The following CCNL2 variants were observed in gnomAD, a reference collection of about 807,000 sequenced individuals.
CCNL2 encodes the protein cyclin-L2.
A neutral mutation model predicts 59.1 loss-of-function variants in CCNL2; 28 were observed. That is an observed-to-expected ratio of 0.47 (90% CI 0.35 to 0.65). CCNL2 has a LOEUF of 0.65. CCNL2 is among the 30% of genes least tolerant of loss of function. CCNL2 has a pLI of 0.00. For missense variants in CCNL2, 714 were observed against 717.4 expected (o/e 1.00, Z 0.05); for synonymous variants, 342 against 288.6 (o/e 1.19, Z -1.88).
Position 1,393,303 on chromosome 1 carries a change from C to T in CCNL2, c.659+93G>A. ...GGACAACTCCAGCCCACAACCAAGT[C>T]ACTGGGCTGCCTACCCACTGCCCAA... On this transcript the variant is annotated intron_variant, in intron 5 of 10. Coordinates refer to ENST00000400809, the MANE Select transcript of CCNL2 (RefSeq NM_030937.6). The T allele has an allele frequency of 8.0e-6, 8 of 1,003,874 alleles. No individual in the cohort carries two copies. The South Asian group carries it at 1.1e-4, about 13-fold the overall frequency. 62.2% of individuals were successfully genotyped at this position (1,003,874 alleles called of 1,614,324 possible).
At chr1:1,388,575 CT>C in intron 8 of CCNL2, 1 of 435,194 alleles carries the variant, frequency 2.3e-6, no homozygotes, top group Non-Finnish European at 4.6e-6. Context: ...GTCTCTCTCT[CT>C]CTCTCTCTAT....
At position 1,396,264 on chromosome 1, in the gene CCNL2, G is replaced by A. The variant is rs562382226; in HGVS notation, c.474-750C>T. Among the ~76,000 whole-genome samples the A allele has an allele frequency of 2.0e-5, 3 of 151,506 alleles. No individual in the cohort carries two copies. In the East Asian group the frequency reaches 5.9e-4, roughly 30 times the overall value. ...CCCCAGCACTTTGGGAGGCCGATGA[G>A]GCCATGTTTTTTCTTTTTTTGAGAT... On this transcript the variant is annotated intron_variant, in intron 3 of 10. Transcript: ENST00000400809.
chr1:1,388,503 G>T (rs1461795755), intron 8 of CCNL2: 1 of 454,304 alleles, frequency 2.2e-6, no homozygotes, highest in Non-Finnish European at 4.4e-6. Flanking sequence ...TGGCAACACA[G>T]CGAGACTCTG....
Position 1,399,006 on chromosome 1 carries a change from G to C in CCNL2, c.288+13C>G, listed in dbSNP as rs767043808. 12 of 1,585,504 alleles carry C rather than the reference G, an allele frequency of 7.6e-6. No homozygotes were observed. The highest frequency in any genetic ancestry group is 9.4e-6 in the Non-Finnish European group (11 of 1,168,662). On this transcript the variant is annotated intron_variant, in intron 1 of 10. Coordinates refer to ENST00000400809, the MANE Select transcript of CCNL2 (RefSeq NM_030937.6). The stretch of plus-strand genomic sequence containing the variant: ...CGGTTACCTGGGCCGGAGGCTCGCG[G>C]CCGCGCCCTCACCTGCGGCAGGCGG...
chr1:1,395,667 C>T (rs1644978833), intron 3 of CCNL2, 153 bp from the exon 4 acceptor site: 1 of 1,061,190 alleles, frequency 9.4e-7, no homozygotes, highest in African/African-American at 1.6e-5. Flanking sequence ...AAACTGCACA[C>T]CGCTCCCCAC....
intron 3 of CCNL2, among the ~76,000 whole-genome samples, chr1:1,397,608 T>C (rs1645112284): frequency 6.6e-6 from 1 of 152,124 alleles, no homozygotes; most frequent in Non-Finnish European, 1.5e-5. Flanking sequence ...AAATCTGTAA[T>C]CCCAGTGCTT....
At chr1:1,391,005 G>T in intron 5 of CCNL2, 140 bp from the exon 6 acceptor site, 1 of 869,494 alleles carries the variant, frequency 1.2e-6, no homozygotes, top group Non-Finnish European at 1.7e-6. Flanking sequence ...AGACAGTCCT[G>T]TGAATCTCAA....
In CCNL2 at chr1:1,398,361, A is replaced by AAC; in HGVS notation, c.364-21_364-20dup. Reference sequence around the variant, plus strand: ...ACACATGCTGAAGCGGAAGCATTGCAACACGCCCATGTTTGTCCCCAGCCA... The same window carrying AAC: ...ACACATGCTGAAGCGGAAGCATTGCAACACACGCCCATGTTTGTCCCCAGCCA... On this transcript the variant is annotated intron_variant, in intron 2 of 10. Coordinates refer to ENST00000400809, the MANE Select transcript of CCNL2 (RefSeq NM_030937.6). 1 of 1,613,986 alleles carries AAC rather than the reference A, an allele frequency of 6.2e-7. No individual in the cohort carries two copies. Among genetic ancestry groups the AAC allele is most frequent in the Non-Finnish European group, 8.5e-7 (1 of 1,179,970 alleles).
chr1:1,399,321 T>G lies in CCNL2; in HGVS notation c.-15A>C, dbSNP rs1348506434. ...GCCGCCGCCATTTTGTGCCGCCGACTCCCCTTCGGCTTCTTCCCTCAGGGC... is the reference window on the plus strand; with the variant it reads ...GCCGCCGCCATTTTGTGCCGCCGACGCCCCTTCGGCTTCTTCCCTCAGGGC... On this transcript the variant is annotated 5_prime_UTR_variant, in exon 1 of 11. Coordinates refer to ENST00000400809, the MANE Select transcript of CCNL2 (RefSeq NM_030937.6). 1.4e-6 allele frequency: 2 copies of G among 1,435,958 alleles called. No individual in the cohort carries two copies. The highest frequency in any genetic ancestry group is 1.8e-6 in the Non-Finnish European group (2 of 1,104,100). The allele number at this position is 1,435,958 out of a possible 1,614,324, so 89.0% of individuals were successfully genotyped here. A position where few individuals can be genotyped will look rare whatever the true frequency, so the allele number is the denominator to read the frequency against.
At chr1:1,387,933 T>C (rs780375734) in intron 9 of CCNL2, 21 bp downstream of exon 9, 4 of 1,612,818 alleles carry the variant, frequency 2.5e-6, no homozygotes, top group African/African-American at 2.7e-5. Flanking sequence ...GACAGCCACC[T>C]GGGCAGCCCT....
intron 4 of CCNL2, among the ~76,000 whole-genome samples, chr1:1,394,422 G>C (rs1326821674): frequency 6.6e-6 from 1 of 152,108 alleles, no homozygotes; most frequent in Non-Finnish European, 1.5e-5. Flanking sequence ...CTCCATAAGA[G>C]AAAGTAAAGC....
intron 3 of CCNL2, among the ~76,000 whole-genome samples, chr1:1,396,592 T>G (rs1200658613): frequency 6.9e-6 from 1 of 145,180 alleles, no homozygotes; most frequent in African/African-American, 2.6e-5. Context: ...TTTTTTTTTT[T>G]TTTTTGAGAC....
At chr1:1,387,718 A>AC in intron 10 of CCNL2, 59 bp downstream of exon 10, 2 of 1,485,050 alleles carry the variant, frequency 1.3e-6, no homozygotes, top group Non-Finnish European at 1.8e-6. Flanking sequence ...GAGAATGATT[A>AC]CCCCGAGGGA....
chr1:1,398,870 C>T (rs1021677495), intron 1 of CCNL2, 149 bp downstream of exon 1: 21 of 1,385,792 alleles, frequency 1.5e-5, no homozygotes, highest in Admixed American at 5.6e-5. Context: ...GGGGCATGGG[C>T]TGGCTAGGGA....
chr1:1,399,130 G>C lies in CCNL2; in HGVS notation c.177C>G (p.Leu59=), dbSNP rs749237678. 6.2e-7 allele frequency: 1 copy of C among 1,612,108 alleles called. No homozygotes were observed. Among genetic ancestry groups the C allele is most frequent in the Non-Finnish European group, 8.5e-7 (1 of 1,179,474 alleles). Residue 59 remains leucine (L), a synonymous_variant, in exon 1 of 11, where the codon CTC becomes CTG. Transcript: ENST00000400809. ...LENCLLPDDK[L]RFTPSMSSGL... ...CGCTCGACATGGACGGCGTGAAACG[G>C]AGCTTGTCGTCAGGCAGGAGGCAGT...
At chr1:1,391,114 G>A (rs1644740884) in intron 5 of CCNL2, 1 of 1,239,412 alleles carries the variant, frequency 8.1e-7, no homozygotes, top group South Asian at 2.4e-5. Context: ...CTGGCTGAAT[G>A]TCAGACAATA....
Position 1,386,802 on chromosome 1 carries a change from A to G in CCNL2, c.*429T>C, listed in dbSNP as rs549193023. On this transcript the variant is annotated 3_prime_UTR_variant, in exon 11 of 11. Coordinates refer to ENST00000400809, the MANE Select transcript of CCNL2 (RefSeq NM_030937.6). Reference sequence around the variant, plus strand: ...CTGTGAAACACTGCAAAATATGTACATAAGTACAACCTAATATAGGCAAAG... The same window carrying G: ...CTGTGAAACACTGCAAAATATGTACGTAAGTACAACCTAATATAGGCAAAG... 28 of 165,118 alleles carry G rather than the reference A, an allele frequency of 1.7e-4. No homozygotes were observed. The highest frequency in any genetic ancestry group is 1.4e-3 in the South Asian group (7 of 5,066). 10.2% of individuals were successfully genotyped at this position (165,118 alleles called of 1,614,324 possible). A position where few individuals can be genotyped will look rare whatever the true frequency, so the allele number is the denominator to read the frequency against.
At position 1,398,219 on chromosome 1, in the gene CCNL2, T is replaced by A; in HGVS notation, c.473+14A>T. 1 of 1,613,322 alleles carries A rather than the reference T, an allele frequency of 6.2e-7. No individual in the cohort carries two copies. Among genetic ancestry groups the A allele is most frequent in the Admixed American group, 1.7e-5 (1 of 60,014 alleles). On this transcript the variant is annotated intron_variant, in intron 3 of 10. Coordinates refer to ENST00000400809, the MANE Select transcript of CCNL2 (RefSeq NM_030937.6). ...AGGCATCTATGATAGACTAGACAGC[T>A]CTGACTGACTCACTTTTTGTCTCTC...
intron 1 of CCNL2, 150 bp downstream of exon 1, chr1:1,398,869 G>T: frequency 7.1e-7 from 1 of 1,399,464 alleles, no homozygotes; most frequent in Non-Finnish European, 9.4e-7. Flanking sequence ...AGGGGCATGG[G>T]CTGGCTAGGG....
Sources: allele counts gnomAD v4.1 joint callset (sites outside exome capture counted in the v4.1 genomes callset), GRCh38; gene constraint gnomAD v4.1.1; transcripts MANE v1.5; gene names NCBI Gene and HGNC (gene_info 2026-07-23, HGNC 2026-07-21).